GLUD1: variants seen among roughly 807,000 people sequenced by gnomAD.
GLUD1 encodes the protein glutamate dehydrogenase 1, mitochondrial.
Under a neutral mutation model 56.0 loss-of-function variants are expected in GLUD1, and 22 were observed. The observed-to-expected ratio is 0.39, with a 90% CI of 0.28 to 0.56. The LOEUF (loss-of-function observed/expected upper bound fraction) is 0.56. Among genes scored for constraint, GLUD1 ranks in the 20% least tolerant of loss-of-function variants. The probability of loss-of-function intolerance (pLI) is 0.58; values close to 1 mark genes in which losing one functional copy is unlikely to be tolerated. For missense variants in GLUD1, 451 were observed against 732.0 expected (o/e 0.62, Z 4.43); for synonymous variants, 223 against 269.9 (o/e 0.83, Z 1.70).
chr10:87,077,664 A>C (rs1846436933), intron 1 of GLUD1, among the ~76,000 whole-genome samples: 1 of 151,648 alleles, frequency 6.6e-6, no homozygotes, highest in African/African-American at 2.4e-5. Context: ...ATTACTCTTC[A>C]AAGTTTTGGA....
chr10:87,053,193 G>A (rs935460968), intron 12 of GLUD1, 149 bp downstream of exon 12: 10 of 686,950 alleles, frequency 1.5e-5, no homozygotes, highest in Non-Finnish European at 2.7e-5. Context: ...ATCTGAGACT[G>A]AAAAAACATG....
At chr10:87,057,569 C>A in intron 11 of GLUD1, 122 bp downstream of exon 11, 5 of 752,650 alleles carry the variant, frequency 6.6e-6, no homozygotes, top group Non-Finnish European at 1.2e-5. Flanking sequence ...ACACATGTCA[C>A]GCACTTACTG....
Position 87,094,786 on chromosome 10 carries a change from GA to G in GLUD1, c.-18del. 6.5e-7 allele frequency: 1 copy of G among 1,526,892 alleles called. No individual in the cohort carries two copies. The highest frequency in any genetic ancestry group is 1.8e-5 in the Admixed American group (1 of 54,324). The allele number at this position is 1,526,892 out of a possible 1,614,324, so 94.6% of individuals were successfully genotyped here. On this transcript the variant is annotated 5_prime_UTR_variant, in exon 1 of 13. Coordinates refer to ENST00000277865, the MANE Select transcript of GLUD1 (RefSeq NM_005271.5). This position sits in a 1 kb window ranked among gnomAD's most constrained non-coding sequence, Gnocchi z 6.6. ...GCGGTACATGGCCACAAGCGGAGGG[GA>G]GGTGCGTGATGGTCGCGAAACAGGC...
intron 1 of GLUD1, among the ~76,000 whole-genome samples, chr10:87,077,816 A>T (rs1249322576): frequency 1.3e-5 from 2 of 151,744 alleles, no homozygotes; most frequent in East Asian, 3.9e-4. Context: ...AAGCTGCAGC[A>T]TTTTTTCTAC....
intron 11 of GLUD1, among the ~76,000 whole-genome samples, chr10:87,053,726 GGA>G (rs1380824053): frequency 1.3e-5 from 2 of 152,206 alleles, no homozygotes; most frequent in Non-Finnish European, 2.9e-5. Context: ...CTCCACTCAT[GGA>G]GACGCAGATG....
intron 4 of GLUD1, among the ~76,000 whole-genome samples, chr10:87,070,008 T>C (rs1486149599): frequency 6.6e-6 from 1 of 152,270 alleles, no homozygotes; most frequent in Non-Finnish European, 1.5e-5. Context: ...ATTCCTTTAG[T>C]GACATACCTC....
chr10:87,063,843 T>C (rs1258925438), intron 5 of GLUD1, among the ~76,000 whole-genome samples: 1 of 152,080 alleles, frequency 6.6e-6, no homozygotes, highest in Admixed American at 6.6e-5. Flanking sequence ...AGATGGGGGT[T>C]AACAGTCTTC....
chr10:87,080,066 TGCCTGCGATTG>T (rs1841172939), intron 1 of GLUD1, among the ~76,000 whole-genome samples: 1 of 151,794 alleles, frequency 6.6e-6, no homozygotes, highest in South Asian at 2.1e-4. Context: ...GCCTGCCGAG[TGCCTGCGATTG>T]CAGGCGCGCG....
intron 12 of GLUD1, among the ~76,000 whole-genome samples, chr10:87,052,965 G>T (rs1032352526): frequency 6.6e-6 from 1 of 152,104 alleles, no homozygotes; most frequent in South Asian, 2.1e-4. Flanking sequence ...AGGCCTTAAA[G>T]TAGGGATCAA....
At position 87,089,363 on chromosome 10, in the gene GLUD1, T is replaced by C. The variant is rs192671943; in HGVS notation, c.445+4962A>G. ...CTGTGTCACCCTGCCAAAGGACACT[T>C]CACTCCTCAACCTTAGTAGCCACAT... On this transcript the variant is annotated intron_variant, in intron 1 of 12. Coordinates refer to ENST00000277865, the MANE Select transcript of GLUD1 (RefSeq NM_005271.5). Among the ~76,000 whole-genome samples, 51 of 152,358 alleles carry C rather than the reference T, an allele frequency of 3.3e-4. No homozygotes were observed. In the East Asian group the frequency reaches 8.5e-3, roughly 25 times the overall value.
intron 5 of GLUD1, among the ~76,000 whole-genome samples, chr10:87,064,272 T>C (rs1305117489): frequency 6.6e-6 from 1 of 152,090 alleles, no homozygotes; most frequent in African/African-American, 2.4e-5. Context: ...ACAGGTGTAA[T>C]TAGAAAAAAG....
intron 6 of GLUD1, among the ~76,000 whole-genome samples, chr10:87,062,175 C>A (rs1384779404): frequency 6.6e-6 from 1 of 152,216 alleles, no homozygotes; most frequent in Non-Finnish European, 1.5e-5. Context: ...GTCTTGGCCT[C>A]CCAAAGTGCT....
chr10:87,078,929 AG>A lies in GLUD1; in HGVS notation c.446-2274del, dbSNP rs1232871313. 2.0e-5 allele frequency among the ~76,000 whole-genome samples: 3 copies of A among 152,330 alleles called. No individual in the cohort carries two copies. In the East Asian group the frequency reaches 5.8e-4, roughly 29 times the overall value. On this transcript the variant is annotated intron_variant, in intron 1 of 12. Transcript: ENST00000277865. ...TGAGGTGGGAGGATCACTTGAGCTT[AG>A]GAGTTTGAAACCAGCCTGGCCAACA...
intron 1 of GLUD1, among the ~76,000 whole-genome samples, chr10:87,080,563 C>T (rs61858867): frequency 5.0e-4 from 71 of 142,228 alleles, no homozygotes; most frequent in African/African-American, 1.8e-3. Flanking sequence ...CCATCGTCTG[C>T]GATGTGGGGA....
chr10:87,093,166 G>C (rs909746165), intron 1 of GLUD1, among the ~76,000 whole-genome samples: 1 of 152,206 alleles, frequency 6.6e-6, no homozygotes, highest in Non-Finnish European at 1.5e-5. Context: ...CCGGTACAGA[G>C]AGGATTTCTA....
At chr10:87,054,665 A>G (rs1173111863) in intron 11 of GLUD1, among the ~76,000 whole-genome samples, 4 of 152,216 alleles carry the variant, frequency 2.6e-5, no homozygotes, top group African/African-American at 9.6e-5. Flanking sequence ...TCTTCCAAGG[A>G]GGTTTGCTCT....
chr10:87,080,712 G>A (rs1324312327), intron 1 of GLUD1, among the ~76,000 whole-genome samples: 2 of 147,372 alleles, frequency 1.4e-5, no homozygotes, highest in African/African-American at 5.1e-5. Flanking sequence ...CAACCGCCCC[G>A]TCTGAGAAGT....
At position 87,074,428 on chromosome 10, in the gene GLUD1, G is replaced by A. The variant is rs957177213; in HGVS notation, c.646+123C>T. 1.1e-5 allele frequency: 8 copies of A among 699,426 alleles called. No homozygotes were observed. The African/African-American group carries it at 1.4e-4, about 13-fold the overall frequency. The allele number at this position is 699,426 out of a possible 1,614,324, so 43.3% of individuals were successfully genotyped here. On this transcript the variant is annotated intron_variant, in intron 4 of 12. Transcript: ENST00000277865. ...AGACAAGAGAATTGCTTGAACCCAG[G>A]AGGCGGACGAGATCGCACCACTGCA...
At chr10:87,057,821 GAA>G (rs35186250) in intron 10 of GLUD1, 39 bp from the exon 11 acceptor site, 23,054 of 698,746 alleles carry the variant, frequency 0.033, 19 homozygotes, top group East Asian at 0.087. Flanking sequence ...ATTGCTAACA[GAA>G]AAAAAAAAAA....
Sources: allele counts gnomAD v4.1 joint callset (sites outside exome capture counted in the v4.1 genomes callset), GRCh38; gene constraint gnomAD v4.1.1; non-coding constraint Gnocchi (gnomAD v3.1); transcripts MANE v1.5; gene names NCBI Gene and HGNC (gene_info 2026-07-23, HGNC 2026-07-21).